Variants in LYPD6B observed in about 807,000 individuals in gnomAD.
The protein encoded by LYPD6B is ly6/PLAUR domain-containing protein 6B.
A neutral mutation model predicts 22.8 loss-of-function variants in LYPD6B; 17 were observed. That is an observed-to-expected ratio of 0.75 (90% confidence interval 0.51 to 1.12). LYPD6B has a LOEUF of 1.12. Ranked by LOEUF, LYPD6B falls within the 50% of genes most tolerant of loss-of-function variation. The pLI is 0.00. For synonymous variants in LYPD6B, 106 were observed against 91.6 expected (o/e 1.16, Z -0.90); for missense variants, 221 against 258.3 (o/e 0.86, Z 0.99).
At chr2:149,188,801 C>A in intron 3 of LYPD6B, 1 of 348,584 alleles carries the variant, frequency 2.9e-6, no homozygotes. Flanking sequence ...TTCTTCCTGT[C>A]TTCCAGGCAT....
At position 149,204,947 on chromosome 2, in the gene LYPD6B, G is replaced by A. The variant is rs557122145; in HGVS notation, c.78-306G>A. ...TCAGCACAGAGGAAACCAGCTAGCC[G>A]CAGTCACTGAGGGAATGGGGTGCAG... On this transcript the variant is annotated intron_variant, in intron 3 of 6. Transcript: ENST00000409642. 2.4e-4 allele frequency: 61 copies of A among 254,524 alleles called. 1 individual carries two copies. Among genetic ancestry groups the A allele is most frequent in the Admixed American group, 4.6e-4 (9 of 19,646 alleles). 15.8% of individuals were successfully genotyped at this position (254,524 alleles called of 1,614,324 possible). A position where few individuals can be genotyped will look rare whatever the true frequency, so the allele number is the denominator to read the frequency against.
intron 5 of LYPD6B, among the ~76,000 whole-genome samples, chr2:149,210,330 G>T (rs1466084993): frequency 6.6e-6 from 1 of 152,110 alleles, no homozygotes; most frequent in African/African-American, 2.4e-5. Flanking sequence ...AAGGGTGGAA[G>T]AGAGTCTGCT....
chr2:149,088,121 A>T (rs1685486290), intron 1 of LYPD6B, among the ~76,000 whole-genome samples: 1 of 122,312 alleles, frequency 8.2e-6, no homozygotes, highest in Non-Finnish European at 1.7e-5. Flanking sequence ...TATGTCCCCT[A>T]CTGTCCACTG....
In LYPD6B at chr2:149,131,060, G is replaced by C. The variant is rs541611434; in HGVS notation, c.5+107G>C. On this transcript the variant is annotated intron_variant, in intron 2 of 6. Transcript: ENST00000409642. ...TCGCAAAAATATATTAAACATTTGT[G>C]ATCTGGAGTTTCATTAATCTCAGGG... The C allele has an allele frequency of 8.3e-4, 645 of 772,966 alleles. 1 individual carries two copies. The highest frequency in any genetic ancestry group is 1.1e-3 in the Non-Finnish European group (489 of 440,460). 47.9% of individuals were successfully genotyped at this position (772,966 alleles called of 1,614,324 possible). A position where few individuals can be genotyped will look rare whatever the true frequency, so the allele number is the denominator to read the frequency against.
At chr2:149,161,888 C>A (rs1690085151) in intron 3 of LYPD6B, among the ~76,000 whole-genome samples, 1 of 152,182 alleles carries the variant, frequency 6.6e-6, no homozygotes, top group African/African-American at 2.4e-5. Context: ...AGATGCCTTT[C>A]TAAATGGATA....
chr2:149,180,375 A>G (rs1316029578), intron 3 of LYPD6B, among the ~76,000 whole-genome samples: 1 of 152,180 alleles, frequency 6.6e-6, no homozygotes, highest in Admixed American at 6.5e-5. Flanking sequence ...TTCTTTGGTA[A>G]CTGCGAGAAT....
chr2:149,147,592 C>T (rs1302407614), intron 2 of LYPD6B, among the ~76,000 whole-genome samples: 1 of 152,274 alleles, frequency 6.6e-6, no homozygotes, highest in East Asian at 1.9e-4. Flanking sequence ...CAGTTCACTG[C>T]AGCCTCTACC....
chr2:149,119,606 C>T (rs1014717052), intron 1 of LYPD6B, among the ~76,000 whole-genome samples: 4 of 152,282 alleles, frequency 2.6e-5, no homozygotes, highest in East Asian at 3.9e-4. Context: ...GCTCCGGGCC[C>T]GTAGGCACCA....
intron 3 of LYPD6B, among the ~76,000 whole-genome samples, chr2:149,177,835 G>GTT (rs35470511): frequency 0.039 from 5,123 of 131,804 alleles, 168 homozygotes; most frequent in South Asian, 0.084. Flanking sequence ...TTCTGCAAGA[G>GTT]TTTTTTTTTT....
At chr2:149,093,168 C>T (rs1225625214) in intron 1 of LYPD6B, among the ~76,000 whole-genome samples, 1 of 152,104 alleles carries the variant, frequency 6.6e-6, no homozygotes, top group Non-Finnish European at 1.5e-5. Flanking sequence ...CCAGGGAGAA[C>T]AAGGATGAGG....
intron 3 of LYPD6B, among the ~76,000 whole-genome samples, chr2:149,164,590 G>C (rs778566385): frequency 7.9e-5 from 12 of 152,270 alleles, no homozygotes; most frequent in Middle Eastern, 3.4e-3. Flanking sequence ...TTCTATTGCA[G>C]ACTAAAAGGA....
In LYPD6B at chr2:149,082,525, C is replaced by T. The variant is rs151104726; in HGVS notation, c.-67+43724C>T. Among the ~76,000 whole-genome samples, 490 of 152,282 alleles carry T rather than the reference C, an allele frequency of 3.2e-3. 2 individuals are homozygous for T. The highest frequency in any genetic ancestry group is 0.01 in the Middle Eastern group (3 of 294). ...CAGTACCAATTCCTGCTTTTTCTAG[C>T]AAAGATGACTTAGCATTCTGAATGT... On this transcript the variant is annotated intron_variant, in intron 1 of 6. Transcript: ENST00000409642.
intron 3 of LYPD6B, among the ~76,000 whole-genome samples, chr2:149,197,765 A>G (rs904246270): frequency 5.9e-5 from 9 of 152,224 alleles, no homozygotes; most frequent in African/African-American, 2.2e-4. Context: ...GGAAGGGGTT[A>G]GGATCTTTGC....
intron 1 of LYPD6B, among the ~76,000 whole-genome samples, chr2:149,043,459 T>C (rs899817536): frequency 2.6e-5 from 4 of 152,190 alleles, no homozygotes; most frequent in African/African-American, 7.2e-5. Flanking sequence ...TTTAAAGTGT[T>C]GAAGTGTTTT....
chr2:149,064,805 G>T (rs1684248889), intron 1 of LYPD6B, among the ~76,000 whole-genome samples: 2 of 152,220 alleles, frequency 1.3e-5, no homozygotes, highest in South Asian at 4.1e-4. Flanking sequence ...AATTAAGTTA[G>T]TTCCTCTCAG....
chr2:149,128,986 G>A (rs913422428), intron 1 of LYPD6B, among the ~76,000 whole-genome samples: 11 of 152,166 alleles, frequency 7.2e-5, no homozygotes, highest in African/African-American at 2.4e-5. Context: ...TTTACCTGGG[G>A]AACCTCATCT....
intron 5 of LYPD6B, among the ~76,000 whole-genome samples, chr2:149,209,521 A>G (rs1276127819): frequency 1.3e-5 from 2 of 152,198 alleles, no homozygotes; most frequent in Non-Finnish European, 1.5e-5. Flanking sequence ...GGCCAAGAAA[A>G]AAAAACTCTT....
chr2:149,052,846 A>C lies in LYPD6B; in HGVS notation c.-67+14045A>C, dbSNP rs573874941. ...AAACATTTATGTTTATTATGGAAAA[A>C]GGGGAAAATAAACATAAAGAGAAGA... On this transcript the variant is annotated intron_variant, in intron 1 of 6. Coordinates refer to ENST00000409642, the MANE Select transcript of LYPD6B (RefSeq NM_177964.5). Among the ~76,000 whole-genome samples the C allele has an allele frequency of 1.1e-4, 16 of 152,300 alleles. No homozygotes were observed. In the East Asian group the frequency reaches 2.9e-3, roughly 27 times the overall value.
At chr2:149,102,883 T>A (rs1232126959) in intron 1 of LYPD6B, among the ~76,000 whole-genome samples, 3 of 152,114 alleles carry the variant, frequency 2.0e-5, no homozygotes, top group Non-Finnish European at 4.4e-5. Context: ...CCACCCGCCT[T>A]GGCCTCCAAA....
Sources: allele counts gnomAD v4.1 joint callset (sites outside exome capture counted in the v4.1 genomes callset), GRCh38; gene constraint gnomAD v4.1.1; transcripts MANE v1.5; gene names NCBI Gene and HGNC (gene_info 2026-07-23, HGNC 2026-07-21).